PTPN1: variants seen among roughly 807,000 people sequenced by gnomAD.
PTPN1 encodes the protein protein tyrosine phosphatase non-receptor type 1.
Under a neutral mutation model 59.9 loss-of-function variants are expected in PTPN1, and 12 were observed. That is an observed-to-expected ratio of 0.20 (90% CI 0.13 to 0.32). The LOEUF is 0.32. PTPN1 is among the 10% of genes least tolerant of loss of function. The pLI is 1.00. For missense variants in PTPN1, 356 were observed against 549.2 expected, an observed-to-expected ratio of 0.65 and a Z score of 3.52; for synonymous variants, 178 against 203.6, an observed-to-expected ratio of 0.87 and a Z score of 1.07.
chr20:50,539,254 T>G (rs541527380), intron 1 of PTPN1, among the ~76,000 whole-genome samples: 16 of 152,196 alleles, frequency 1.1e-4, no homozygotes, highest in African/African-American at 3.9e-4. Flanking sequence ...CAGGCTGGTC[T>G]CAAACTCCCG....
intron 1 of PTPN1, among the ~76,000 whole-genome samples, chr20:50,547,730 A>T (rs1320674612): frequency 1.3e-5 from 2 of 152,202 alleles, no homozygotes; most frequent in Non-Finnish European, 2.9e-5. Context: ...GTATTTTCTT[A>T]AAGATAGGAT....
intron 1 of PTPN1, among the ~76,000 whole-genome samples, chr20:50,523,594 G>A (rs2082560718): frequency 6.6e-6 from 1 of 152,186 alleles, no homozygotes; most frequent in Non-Finnish European, 1.5e-5. Flanking sequence ...TACATGAACA[G>A]CTACTAGGTA....
chr20:50,546,958 A>G (rs1292793513), intron 1 of PTPN1, among the ~76,000 whole-genome samples: 1 of 152,232 alleles, frequency 6.6e-6, no homozygotes. Context: ...TGGAAAGCAG[A>G]AGGTAAACAA....
chr20:50,518,043 G>A (rs993876591), intron 1 of PTPN1, among the ~76,000 whole-genome samples: 8 of 152,200 alleles, frequency 5.3e-5, no homozygotes, highest in African/African-American at 1.7e-4. Context: ...ATTTCTTAGT[G>A]ATTAGAAAAG....
rs538924592 is a variant in PTPN1, at chr20:50,527,058, G to A, written c.63+16468G>A. On this transcript the variant is annotated intron_variant, in intron 1 of 9. Coordinates refer to ENST00000371621, the MANE Select transcript of PTPN1 (RefSeq NM_002827.4). ...AGGAGCCTTTGCTCCTAGAGTCTGC[G>A]CTCCTGACCCCTTCCCATCTCACCT... is the stretch of plus-strand genomic sequence containing the variant. Among the ~76,000 whole-genome samples the A allele has an allele frequency of 1.8e-4, 28 of 152,232 alleles. 1 individual carries two copies. Among genetic ancestry groups the A allele is most frequent in the Non-Finnish European group, 3.4e-4 (23 of 68,022 alleles).
intron 1 of PTPN1, among the ~76,000 whole-genome samples, chr20:50,542,351 C>T (rs1300242401): frequency 6.6e-6 from 1 of 152,172 alleles, no homozygotes; most frequent in East Asian, 1.9e-4. Context: ...ATTTTTAGCA[C>T]AGTAGGAAAG....
At position 50,582,819 on chromosome 20, in the gene PTPN1, G is replaced by C. The variant is rs1479941474; in HGVS notation, c.*104G>C. The C allele has an allele frequency of 7.1e-7, 1 of 1,408,626 alleles. No homozygotes were observed. The highest frequency in any genetic ancestry group is 2.4e-5 in the East Asian group (1 of 42,532). 87.3% of individuals were successfully genotyped at this position (1,408,626 alleles called of 1,614,324 possible). ...CGGTAGGTAAGGGCCGCCGGACCGC[G>C]TAGAGAGCCGGGCCCCGGACGGACG... On this transcript the variant is annotated 3_prime_UTR_variant, in exon 10 of 10. Coordinates refer to ENST00000371621, the MANE Select transcript of PTPN1 (RefSeq NM_002827.4). This position sits in a 1 kb window ranked among gnomAD's most constrained non-coding sequence, Gnocchi z 4.2.
intron 1 of PTPN1, among the ~76,000 whole-genome samples, chr20:50,538,062 C>A (rs928642644): frequency 6.6e-6 from 1 of 152,006 alleles, no homozygotes; most frequent in African/African-American, 2.4e-5. Flanking sequence ...CTCTGGGGAA[C>A]AAATAACCGA....
Position 50,578,528 on chromosome 20 carries a change from T to G in PTPN1, c.601T>G (p.Ser201Ala), listed in dbSNP as rs2082848389. 1 of 1,614,022 alleles carries G rather than the reference T, an allele frequency of 6.2e-7. No homozygotes were observed. The highest frequency in any genetic ancestry group is 8.5e-7 in the Non-Finnish European group (1 of 1,180,008). Residue 201 changes from serine (S) to alanine (A), a missense_variant, in exon 6 of 10, where the codon TCA becomes GCA. Physicochemically the swap from Ser to Ala is moderately conservative, Grantham distance 99 (BLOSUM62 1). Around this residue, in one of 3 missense-constraint regions of PTPN1, gnomAD observed 194 missense variants for 344.2 expected, o/e 0.56. Transcript: ENST00000371621. The part of the protein sequence containing the change: ...FLNFLFKVRE[S>A]GSLSPEHGPV... ...GAACTTTCTTTTCAAAGTCCGAGAG[T>G]CAGGGTCACTCAGCCCGGAGCACGG...
At chr20:50,562,629 C>T (rs1039804123) in intron 2 of PTPN1, among the ~76,000 whole-genome samples, 21 of 152,248 alleles carry the variant, frequency 1.4e-4, no homozygotes, top group African/African-American at 5.1e-4. Flanking sequence ...TTGTCACCAA[C>T]ATCTGAAGTG....
intron 1 of PTPN1, among the ~76,000 whole-genome samples, chr20:50,521,868 T>C (rs1004998613): frequency 5.3e-5 from 8 of 152,180 alleles, no homozygotes; most frequent in Admixed American, 4.6e-4. Flanking sequence ...CAACTCCTTT[T>C]GGATGTACAT....
At chr20:50,542,658 A>C (rs1317185803) in intron 1 of PTPN1, among the ~76,000 whole-genome samples, 1 of 152,188 alleles carries the variant, frequency 6.6e-6, no homozygotes, top group Non-Finnish European at 1.5e-5. Flanking sequence ...CAATAGGTAT[A>C]TGGATTTTGG....
intron 1 of PTPN1, among the ~76,000 whole-genome samples, chr20:50,523,892 T>G (rs982137721): frequency 1.3e-5 from 2 of 152,024 alleles, no homozygotes; most frequent in African/African-American, 4.8e-5. Context: ...ATTCTCTGAG[T>G]CTCTCCCTAA....
chr20:50,555,435 T>C (rs2082721980), intron 1 of PTPN1, among the ~76,000 whole-genome samples: 1 of 152,084 alleles, frequency 6.6e-6, no homozygotes, highest in South Asian at 2.1e-4. Context: ...CAAGTGAACT[T>C]TTTGGGGTGA....
intron 1 of PTPN1, among the ~76,000 whole-genome samples, chr20:50,533,131 T>C (rs956940547): frequency 9.2e-5 from 14 of 152,030 alleles, no homozygotes; most frequent in African/African-American, 3.4e-4. Context: ...TTTTTTGAGG[T>C]GTTCTAGCGA....
chr20:50,543,612 T>C (rs918972866), intron 1 of PTPN1, among the ~76,000 whole-genome samples: 9 of 152,134 alleles, frequency 5.9e-5, no homozygotes, highest in Non-Finnish European at 1.3e-4. Flanking sequence ...TGTGTTAAGC[T>C]GACCAAGCCA....
chr20:50,553,073 A>T (rs2082710407), intron 1 of PTPN1, among the ~76,000 whole-genome samples: 1 of 152,078 alleles, frequency 6.6e-6, no homozygotes, highest in Non-Finnish European at 1.5e-5. Context: ...CTCTCATAGA[A>T]GGTAAATTCT....
intron 1 of PTPN1, among the ~76,000 whole-genome samples, chr20:50,542,124 A>G (rs945677069): frequency 2.6e-5 from 4 of 152,220 alleles, no homozygotes; most frequent in Non-Finnish European, 5.9e-5. Flanking sequence ...ATTGGCTGCA[A>G]GTACAATGTG....
At chr20:50,574,819 C>A in intron 5 of PTPN1, 165 bp downstream of exon 5, 1 of 802,186 alleles carries the variant, frequency 1.2e-6, no homozygotes, top group Non-Finnish European at 1.9e-6. Flanking sequence ...TGTGTACCTA[C>A]CAAGTGCCCA....
Sources: gnomAD v4.1 joint callset for allele counts (sites outside exome capture counted in the v4.1 genomes callset) on GRCh38, gnomAD v4.1.1 for gene constraint, gnomAD v4.1.1 regional missense constraint, Gnocchi (gnomAD v3.1) non-coding constraint, MANE v1.5 for transcripts, NCBI Gene and HGNC (gene_info 2026-07-23, HGNC 2026-07-21) for gene names.